Variants in MAP3K7CL observed in about 807,000 individuals in gnomAD.
The protein encoded by MAP3K7CL is MAP3K7 C-terminal-like protein.
In MAP3K7CL, 16 loss-of-function variants were observed where a neutral mutation model predicts 18.6. That is an observed-to-expected ratio of 0.86 (90% CI 0.58 to 1.31). The LOEUF is 1.31. MAP3K7CL is among the 50% of genes most tolerant of loss of function. MAP3K7CL has a pLI of 0.00. For missense variants in MAP3K7CL, 163 were observed against 174.4 expected (o/e 0.93, Z 0.37); for synonymous variants, 65 against 66.8 (o/e 0.97, Z 0.13).
chr21:29,078,669 G>A (rs1032888114), intron 1 of MAP3K7CL, among the ~76,000 whole-genome samples: 1 of 152,098 alleles, frequency 6.6e-6, no homozygotes, highest in Non-Finnish European at 1.5e-5. Flanking sequence ...GAGAACTGGG[G>A]GTAACCAAAA....
intron 3 of MAP3K7CL, among the ~76,000 whole-genome samples, chr21:29,157,676 G>A (rs186411778): frequency 2.7e-4 from 41 of 152,160 alleles, no homozygotes; most frequent in Admixed American, 1.3e-3. Flanking sequence ...TGGCATGATC[G>A]CTCTACCTAT....
chr21:29,096,994 G>T (rs78937201), intron 4 of MAP3K7CL, among the ~76,000 whole-genome samples: 8 of 152,216 alleles, frequency 5.3e-5, no homozygotes, highest in Non-Finnish European at 1.2e-4. Context: ...TTAAAATCTC[G>T]GCTAAGAACT....
intron 3 of MAP3K7CL, among the ~76,000 whole-genome samples, chr21:29,157,850 T>G (rs1485558430): frequency 6.6e-6 from 1 of 152,156 alleles, no homozygotes; most frequent in African/African-American, 2.4e-5. Context: ...TACTTTTCAG[T>G]TTTCCTTTTA....
intron 2 of MAP3K7CL, among the ~76,000 whole-genome samples, chr21:29,143,218 G>A (rs1472576337): frequency 2.6e-5 from 4 of 152,150 alleles, no homozygotes; most frequent in South Asian, 2.1e-4. Context: ...CGTGGGGCCC[G>A]TCTGGAGGGC....
chr21:29,160,318 C>T (rs958522047), intron 4 of MAP3K7CL, among the ~76,000 whole-genome samples: 9 of 152,150 alleles, frequency 5.9e-5, no homozygotes, highest in African/African-American at 2.2e-4. Flanking sequence ...CACCCAAAAC[C>T]ACACTATGTT....
At chr21:29,136,031 G>A (rs1221855974) in intron 2 of MAP3K7CL, among the ~76,000 whole-genome samples, 1 of 152,094 alleles carries the variant, frequency 6.6e-6, no homozygotes, top group Non-Finnish European at 1.5e-5. Flanking sequence ...TTGAAAACAC[G>A]TGTTCTAAGG....
At chr21:29,142,198 G>A (rs2087023639) in intron 2 of MAP3K7CL, among the ~76,000 whole-genome samples, 1 of 152,156 alleles carries the variant, frequency 6.6e-6, no homozygotes, top group East Asian at 1.9e-4. Context: ...CCAAGTAGCT[G>A]GGACGTCAGG....
At chr21:29,110,489 C>T (rs1303342327) in intron 4 of MAP3K7CL, among the ~76,000 whole-genome samples, 1 of 152,048 alleles carries the variant, frequency 6.6e-6, no homozygotes, top group African/African-American at 2.4e-5. Context: ...CTCCACCTCC[C>T]CAGTTCAAGC....
intron 2 of MAP3K7CL, among the ~76,000 whole-genome samples, chr21:29,139,839 C>G (rs555262621): frequency 1.3e-5 from 2 of 151,530 alleles, no homozygotes; most frequent in South Asian, 4.2e-4. Flanking sequence ...CCGCCTTGGC[C>G]TCCCAAAGTG....
chr21:29,130,591 A>T (rs898990875), upstream of MAP3K7CL: 4 of 985,332 alleles, frequency 4.1e-6, no homozygotes, highest in South Asian at 1.9e-4. Flanking sequence ...CTGTTTATCA[A>T]TGCCTCTGAC....
intron 1 of MAP3K7CL, among the ~76,000 whole-genome samples, chr21:29,088,674 C>T (rs2085967713): frequency 6.6e-6 from 1 of 152,198 alleles, no homozygotes; most frequent in South Asian, 2.1e-4. Flanking sequence ...TCTTAACCTA[C>T]AGATGCCCAA....
chr21:29,131,895 T>A (rs1180526337), intron 1 of MAP3K7CL, among the ~76,000 whole-genome samples: 1 of 152,212 alleles, frequency 6.6e-6, no homozygotes, highest in African/African-American at 2.4e-5. Flanking sequence ...TATTTTTAGA[T>A]AGATAGAGGA....
At chr21:29,122,604 G>A (rs1371175683) in intron 4 of MAP3K7CL, among the ~76,000 whole-genome samples, 3 of 152,176 alleles carry the variant, frequency 2.0e-5, no homozygotes, top group Non-Finnish European at 2.9e-5. Flanking sequence ...AGGCCCTGCC[G>A]TCAAGCCGTC....
At chr21:29,148,584 C>T (rs925338564) in intron 2 of MAP3K7CL, among the ~76,000 whole-genome samples, 1 of 152,128 alleles carries the variant, frequency 6.6e-6, no homozygotes, top group Admixed American at 6.6e-5. Context: ...TCTGGCGCTC[C>T]CTAACAAAGC....
chr21:29,152,358 G>C (rs2087296238), intron 3 of MAP3K7CL, among the ~76,000 whole-genome samples: 1 of 152,132 alleles, frequency 6.6e-6, no homozygotes, highest in East Asian at 1.9e-4. Context: ...CAGTGAAAAT[G>C]CTTTATGTAC....
chr21:29,160,624 G>T (rs923241656), intron 4 of MAP3K7CL, among the ~76,000 whole-genome samples: 1 of 152,114 alleles, frequency 6.6e-6, no homozygotes, highest in Non-Finnish European at 1.5e-5. Flanking sequence ...AATTGCACTT[G>T]ATTCCGCCAG....
intron 4 of MAP3K7CL, among the ~76,000 whole-genome samples, chr21:29,103,224 A>G (rs1159427577): frequency 6.6e-6 from 1 of 152,192 alleles, no homozygotes; most frequent in Non-Finnish European, 1.5e-5. Flanking sequence ...ACAACAGCAC[A>G]GTTGAGTAAT....
At chr21:29,091,505 T>C (rs1356033142) in exon 2 of MAP3K7CL, 2 of 696,772 alleles carry the variant, frequency 2.9e-6, no homozygotes, top group African/African-American at 3.5e-5. Context: ...ATACAGCCCC[T>C]TGCTCTGTCA....
chr21:29,150,981 A>C (rs1022004015), intron 3 of MAP3K7CL, among the ~76,000 whole-genome samples: 1 of 150,496 alleles, frequency 6.6e-6, no homozygotes, highest in African/African-American at 2.4e-5. Context: ...TGTTGGCCAG[A>C]CTGGTCTCAA....
Sources: allele counts gnomAD v4.1 joint callset (sites outside exome capture counted in the v4.1 genomes callset), GRCh38; gene constraint gnomAD v4.1.1; transcripts MANE v1.5; gene names NCBI Gene and HGNC (gene_info 2026-07-23, HGNC 2026-07-21).